ZBTB20: variants seen among roughly 807,000 people sequenced by gnomAD.
ZBTB20 encodes zinc finger and BTB domain-containing protein 20.
A neutral mutation model predicts 56.9 loss-of-function variants in ZBTB20; 9 were observed. The ratio of observed to expected loss-of-function variants is 0.16; its 90% CI spans 0.10 to 0.28. ZBTB20 has a LOEUF of 0.28. Ranked by LOEUF, ZBTB20 falls within the 10% of genes least tolerant of loss-of-function variation. The pLI, the probability that ZBTB20 is intolerant of heterozygous loss-of-function variation, is 1.00. For synonymous variants in ZBTB20, 417 were observed against 420.7 expected (o/e 0.99, Z 0.11); for missense variants, 655 against 1,003.0 (o/e 0.65, Z 4.69).
chr3:114,564,121 A>G (rs1379871315), intron 6 of ZBTB20, among the ~76,000 whole-genome samples: 3 of 150,132 alleles, frequency 2.0e-5, no homozygotes, highest in Admixed American at 2.0e-4. Flanking sequence ...GCATCTTTCA[A>G]TCTCTCTCTC....
chr3:114,837,573 T>A (rs2074183551), intron 4 of ZBTB20, among the ~76,000 whole-genome samples: 1 of 152,062 alleles, frequency 6.6e-6, no homozygotes, highest in South Asian at 2.1e-4. Flanking sequence ...CATGTGAAGG[T>A]CTTCACACAG....
chr3:114,522,644 G>A (rs1405077218), intron 6 of ZBTB20, among the ~76,000 whole-genome samples: 2 of 152,144 alleles, frequency 1.3e-5, no homozygotes, highest in African/African-American at 4.8e-5. Context: ...TTGGATTAGG[G>A]TAGTAGTGGT....
chr3:115,113,252 T>A (rs1383050355), intron 1 of ZBTB20, among the ~76,000 whole-genome samples: 3 of 152,204 alleles, frequency 2.0e-5, no homozygotes, highest in Non-Finnish European at 4.4e-5. Flanking sequence ...GGTTTAATTT[T>A]AAAAAACAGT....
chr3:115,124,425 A>G (rs2084268014), intron 1 of ZBTB20, among the ~76,000 whole-genome samples: 1 of 152,220 alleles, frequency 6.6e-6, no homozygotes, highest in African/African-American at 2.4e-5. Context: ...ACCTAAAGAC[A>G]TTTTAAAAAA....
chr3:114,853,062 G>T (rs1007978372), intron 4 of ZBTB20, among the ~76,000 whole-genome samples: 1 of 152,158 alleles, frequency 6.6e-6, no homozygotes, highest in African/African-American at 2.4e-5. Context: ...TCTCCTGAAG[G>T]TGATCAACAG....
At chr3:114,750,226 G>C (rs1408920690) in intron 5 of ZBTB20, among the ~76,000 whole-genome samples, 1 of 152,150 alleles carries the variant, frequency 6.6e-6, no homozygotes, top group Admixed American at 6.5e-5. Flanking sequence ...AATGATGGTA[G>C]CAAATAAATG....
chr3:114,452,257 A>G (rs1248246277), intron 7 of ZBTB20, among the ~76,000 whole-genome samples: 1 of 152,186 alleles, frequency 6.6e-6, no homozygotes, highest in Non-Finnish European at 1.5e-5. Flanking sequence ...TTTGGATGAC[A>G]TTCTTTTTAA....
Position 114,513,427 on chromosome 3 carries a change from A to C in ZBTB20, c.-294-13036T>G, listed in dbSNP as rs980330317. ...TTGAATTTTAATAAAGTAAAACCAAATTATCGCTTATGTTCTTTCACACTT... is the reference window on the plus strand; with the variant it reads ...TTGAATTTTAATAAAGTAAAACCAACTTATCGCTTATGTTCTTTCACACTT... On this transcript the variant is annotated intron_variant, in intron 6 of 11. Coordinates refer to ENST00000675478, the MANE Select transcript of ZBTB20 (RefSeq NM_001348800.3). 3.9e-5 allele frequency among the ~76,000 whole-genome samples: 6 copies of C among 152,196 alleles called. No homozygotes were observed. The East Asian group carries it at 7.7e-4, about 19-fold the overall frequency.
chr3:115,096,929 T>G (rs1213494500), intron 1 of ZBTB20, among the ~76,000 whole-genome samples: 1 of 152,222 alleles, frequency 6.6e-6, no homozygotes, highest in Non-Finnish European at 1.5e-5. Flanking sequence ...TTTGTTAACA[T>G]TTCATGGGGA....
At chr3:114,842,851 G>C (rs901015972) in intron 4 of ZBTB20, among the ~76,000 whole-genome samples, 1 of 152,134 alleles carries the variant, frequency 6.6e-6, no homozygotes, top group African/African-American at 2.4e-5. Flanking sequence ...CTCAAACTGT[G>C]GAATTCCTGC....
At chr3:114,573,338 T>C (rs903907606) in intron 6 of ZBTB20, among the ~76,000 whole-genome samples, 1 of 151,774 alleles carries the variant, frequency 6.6e-6, no homozygotes, top group Non-Finnish European at 1.5e-5. Flanking sequence ...CACGCCCCTG[T>C]AGTCCCAGCT....
intron 7 of ZBTB20, among the ~76,000 whole-genome samples, chr3:114,426,852 A>G (rs1179686416): frequency 6.6e-6 from 1 of 152,240 alleles, no homozygotes; most frequent in Non-Finnish European, 1.5e-5. Context: ...TTGTTTATAA[A>G]TTATTTTGAT....
intron 7 of ZBTB20, among the ~76,000 whole-genome samples, chr3:114,393,826 G>A (rs564154583): frequency 1.3e-5 from 2 of 152,260 alleles, no homozygotes; most frequent in South Asian, 2.1e-4. Flanking sequence ...AACCCAGCTG[G>A]CAAGTTTCTT....
chr3:114,546,194 G>A (rs1003217910), intron 6 of ZBTB20, among the ~76,000 whole-genome samples: 7 of 152,166 alleles, frequency 4.6e-5, no homozygotes, highest in African/African-American at 1.4e-4. Context: ...CTCTGGCAGC[G>A]GATAGAGTCA....
chr3:114,988,938 T>G (rs901326371), intron 2 of ZBTB20, among the ~76,000 whole-genome samples: 14 of 152,214 alleles, frequency 9.2e-5, no homozygotes, highest in Non-Finnish European at 1.9e-4. Flanking sequence ...GCCCAGTTTT[T>G]GATGGAGTTG....
At chr3:115,126,629 G>C (rs992962984) in intron 1 of ZBTB20, among the ~76,000 whole-genome samples, 2 of 152,120 alleles carry the variant, frequency 1.3e-5, no homozygotes, top group African/African-American at 2.4e-5. Context: ...CTATTAATGA[G>C]TTATTGAGCT....
intron 6 of ZBTB20, among the ~76,000 whole-genome samples, chr3:114,558,270 T>C (rs1055478807): frequency 5.9e-5 from 9 of 151,994 alleles, no homozygotes; most frequent in African/African-American, 2.2e-4. Context: ...CTTCATAAAA[T>C]TGGCCCATAT....
chr3:114,844,192 G>A (rs1421045784), intron 4 of ZBTB20, among the ~76,000 whole-genome samples: 2 of 151,254 alleles, frequency 1.3e-5, no homozygotes, highest in Non-Finnish European at 2.9e-5. Flanking sequence ...AATATACTGA[G>A]TGAAAGAAGG....
chr3:115,125,561 G>A (rs2084307804), intron 1 of ZBTB20, among the ~76,000 whole-genome samples: 2 of 152,142 alleles, frequency 1.3e-5, no homozygotes, highest in Admixed American at 1.3e-4. Context: ...GTGACTACCA[G>A]GAGATGGTGG....
Sources: gnomAD v4.1 joint callset for allele counts (sites outside exome capture counted in the v4.1 genomes callset) on GRCh38, gnomAD v4.1.1 for gene constraint, MANE v1.5 for transcripts, NCBI Gene and HGNC (gene_info 2026-07-23, HGNC 2026-07-21) for gene names.